Variants in MGMT observed in about 807,000 individuals in gnomAD.
MGMT encodes methylated-DNA--protein-cysteine methyltransferase.
In MGMT, 14 loss-of-function variants were observed where a neutral mutation model predicts 15.9. The observed-to-expected ratio is 0.88, with a 90% CI of 0.58 to 1.37. The LOEUF (loss-of-function observed/expected upper bound fraction) is 1.37, where lower values mean the gene tolerates loss of function less well. Ranked by LOEUF, MGMT falls within the 40% of genes most tolerant of loss-of-function variation. MGMT has a pLI of 0.00. For missense variants in MGMT, 282 were observed against 268.1 expected (o/e 1.05, Z -0.36); for synonymous variants, 130 against 118.2 (o/e 1.10, Z -0.65).
chr10:129,718,688 C>T (rs1028283069), intron 3 of MGMT, among the ~76,000 whole-genome samples: 6 of 152,172 alleles, frequency 3.9e-5, no homozygotes, highest in African/African-American at 1.2e-4. Context: ...ACCATGTGCC[C>T]ACTCAGGTGT....
At chr10:129,540,903 T>G (rs529750773) in intron 2 of MGMT, among the ~76,000 whole-genome samples, 1 of 152,360 alleles carries the variant, frequency 6.6e-6, no homozygotes, top group South Asian at 2.1e-4. Context: ...GAGCCATCTG[T>G]GCTCTGTGTG....
At chr10:129,543,814 A>AT (rs893746557) in intron 2 of MGMT, among the ~76,000 whole-genome samples, 31 of 152,370 alleles carry the variant, frequency 2.0e-4, no homozygotes, top group African/African-American at 7.5e-4. Context: ...ATTTCATTTA[A>AT]TTTTAAGTCT....
At chr10:129,637,593 A>C (rs1187819729) in intron 2 of MGMT, among the ~76,000 whole-genome samples, 1 of 152,178 alleles carries the variant, frequency 6.6e-6, no homozygotes. Flanking sequence ...GTGTTCCCCA[A>C]ATTCACATGT....
At chr10:129,762,398 A>C (rs528063471) in intron 4 of MGMT, among the ~76,000 whole-genome samples, 1 of 152,166 alleles carries the variant, frequency 6.6e-6, no homozygotes, top group Non-Finnish European at 1.5e-5. Context: ...CTCTTCCCCA[A>C]CCGGAGTAAG....
rs531710197 is a variant in MGMT, at chr10:129,663,694, CAAAT to C, written c.126-44195_126-44192del. ...TTAAAAAGCACAAGAGACTAATTTG[CAAAT>C]AAATATGAAAACATTTTTGAAGTGC... On this transcript the variant is annotated intron_variant, in intron 2 of 4. Transcript: ENST00000651593. 7.9e-5 allele frequency among the ~76,000 whole-genome samples: 12 copies of C among 152,150 alleles called. No homozygotes were observed. The East Asian group carries it at 1.5e-3, about 20-fold the overall frequency.
intron 1 of MGMT, among the ~76,000 whole-genome samples, chr10:129,512,950 T>C (rs58888466): frequency 0.15 from 23,537 of 152,136 alleles, 2,546 homozygotes; most frequent in African/African-American, 0.3. Flanking sequence ...ATTTGTACAC[T>C]GGTGTTCATA....
intron 2 of MGMT, among the ~76,000 whole-genome samples, chr10:129,539,993 G>A (rs1846026945): frequency 6.6e-6 from 1 of 152,180 alleles, no homozygotes; most frequent in South Asian, 2.1e-4. Flanking sequence ...AATTTTGGGA[G>A]GGTTGACATC....
intron 2 of MGMT, among the ~76,000 whole-genome samples, chr10:129,593,158 G>T (rs1846709512): frequency 6.6e-6 from 1 of 152,196 alleles, no homozygotes; most frequent in South Asian, 2.1e-4. Flanking sequence ...TGTAGGGAGG[G>T]TCTTCGGGCA....
chr10:129,738,332 C>T (rs1247250402), intron 3 of MGMT, among the ~76,000 whole-genome samples: 1 of 152,242 alleles, frequency 6.6e-6, no homozygotes, highest in Non-Finnish European at 1.5e-5. Context: ...TGCCGTCTGT[C>T]ACCAATTTCT....
At chr10:129,696,090 C>T (rs1848028684) in intron 2 of MGMT, among the ~76,000 whole-genome samples, 1 of 152,138 alleles carries the variant, frequency 6.6e-6, no homozygotes, top group South Asian at 2.1e-4. Flanking sequence ...AGGTTTTCCT[C>T]ACTGGGACCT....
At chr10:129,489,976 A>G (rs1410480922) in intron 1 of MGMT, among the ~76,000 whole-genome samples, 1 of 152,154 alleles carries the variant, frequency 6.6e-6, no homozygotes, top group African/African-American at 2.4e-5. Flanking sequence ...TGTGGGGATA[A>G]TACACTCATC....
rs1454264042 is a variant in MGMT, at chr10:129,559,250, A to G, written c.125+22873A>G. Among the ~76,000 whole-genome samples, 5 of 152,350 alleles carry G rather than the reference A, an allele frequency of 3.3e-5. No homozygotes were observed. The East Asian group carries it at 7.7e-4, about 23-fold the overall frequency. ...ACATTTACCTGTACACCACACGTCC[A>G]ATATTTATTCAGAATGATTTTTTTC... On this transcript the variant is annotated intron_variant, in intron 2 of 4. Transcript: ENST00000651593.
chr10:129,486,584 AG>A (rs1365501464), intron 1 of MGMT, among the ~76,000 whole-genome samples: 27 of 152,312 alleles, frequency 1.8e-4, no homozygotes, highest in Admixed American at 1.6e-3. Context: ...CCCAGATCAC[AG>A]GTGTTTGGTG....
intron 2 of MGMT, chr10:129,701,187 C>T (rs1358681345): frequency 2.6e-5 from 4 of 152,216 alleles, no homozygotes; most frequent in African/African-American, 9.7e-5. Flanking sequence ...AAGCTCGGCA[C>T]CTTGCCAGAT....
At position 129,649,906 on chromosome 10, in the gene MGMT, T is replaced by C. The variant is rs74691444; in HGVS notation, c.126-57989T>C. ...TGAAGCAATTATCATATTTAAACTGTTTATCTTCTCCACATTCTGCCTGTA... is the reference window on the plus strand; with the variant it reads ...TGAAGCAATTATCATATTTAAACTGCTTATCTTCTCCACATTCTGCCTGTA... On this transcript the variant is annotated intron_variant, in intron 2 of 4. Coordinates refer to ENST00000651593, the MANE Select transcript of MGMT (RefSeq NM_002412.5). 8.0e-3 allele frequency among the ~76,000 whole-genome samples: 1,221 copies of C among 152,310 alleles called. 13 individuals carry two copies. The highest frequency in any genetic ancestry group is 0.028 in the African/African-American group (1,162 of 41,578).
rs533177016 is a variant in MGMT at position 129,542,339 on chromosome 10, A to G, written c.125+5962A>G. ...GGTCGGTCTGACCAGTGCCAGTCGG[A>G]TGGTTCCTCAAGGTCCACGGGCCAT... On this transcript the variant is annotated intron_variant, in intron 2 of 4. Coordinates refer to ENST00000651593, the MANE Select transcript of MGMT (RefSeq NM_002412.5). Among the ~76,000 whole-genome samples, 78 of 152,258 alleles carry G rather than the reference A, an allele frequency of 5.1e-4. 2 individuals carry two copies. The South Asian group carries it at 0.016, about 30-fold the overall frequency.
intron 2 of MGMT, among the ~76,000 whole-genome samples, chr10:129,653,770 G>A (rs1358789847): frequency 6.6e-6 from 1 of 152,236 alleles, no homozygotes; most frequent in Admixed American, 6.5e-5. Context: ...CTTCTGGGAA[G>A]GCTATTTCTG....
chr10:129,603,283 G>T (rs1240589291), intron 2 of MGMT, among the ~76,000 whole-genome samples: 1 of 152,182 alleles, frequency 6.6e-6, no homozygotes, highest in Admixed American at 6.5e-5. Context: ...GCTGTTTGTT[G>T]TTTCTCTGAT....
At chr10:129,654,704 G>A (rs529873442) in intron 2 of MGMT, among the ~76,000 whole-genome samples, 45 of 152,150 alleles carry the variant, frequency 3.0e-4, no homozygotes, top group African/African-American at 1.0e-3. Flanking sequence ...GAGGTATGAG[G>A]AAGGTGGCCG....
Sources: gnomAD v4.1 joint callset for allele counts (sites outside exome capture counted in the v4.1 genomes callset) on GRCh38, gnomAD v4.1.1 for gene constraint, MANE v1.5 for transcripts, NCBI Gene and HGNC (gene_info 2026-07-23, HGNC 2026-07-21) for gene names.